SPATA13: variants seen among roughly 807,000 people sequenced by gnomAD.
SPATA13 encodes the protein spermatogenesis associated 13.
In SPATA13, 50 loss-of-function variants were observed where a neutral mutation model predicts 104.0. That is an observed-to-expected ratio of 0.48 (90% confidence interval 0.38 to 0.61). The LOEUF (loss-of-function observed/expected upper bound fraction) is 0.61. Among genes scored for constraint, SPATA13 ranks in the 20% least tolerant of loss-of-function variants. The pLI is 0.00. For synonymous variants in SPATA13, 606 were observed against 667.5 expected, an observed-to-expected ratio of 0.91 and a Z score of 1.42; for missense variants, 1,524 against 1,690.6, an observed-to-expected ratio of 0.90 and a Z score of 1.73.
At position 24,193,090 on chromosome 13, in the gene SPATA13, A is replaced by G. The variant is rs527676122; in HGVS notation, c.-111-29729A>G. On this transcript the variant is annotated intron_variant, in intron 1 of 12. Transcript: ENST00000382108. ...CTTGACACATAATCCAGGAAGGGAC[A>G]GGAGCCACTGAGCATTGTTGAGGAG... is the stretch of plus-strand genomic sequence containing the variant. Among the ~76,000 whole-genome samples the G allele has an allele frequency of 1.3e-3, 193 of 152,352 alleles. 2 individuals carry two copies. Among genetic ancestry groups the G allele is most frequent in the African/African-American group, 4.4e-3 (183 of 41,586 alleles).
intron 2 of SPATA13, among the ~76,000 whole-genome samples, chr13:23,999,436 T>TG (rs1875852071): frequency 2.0e-5 from 3 of 150,144 alleles, no homozygotes; most frequent in African/African-American, 4.9e-5. Context: ...TTAGACCAAT[T>TG]TGAGAAGATT....
At chr13:24,177,024 C>A (rs1175868607) in intron 1 of SPATA13, among the ~76,000 whole-genome samples, 1 of 152,170 alleles carries the variant, frequency 6.6e-6, no homozygotes, top group Non-Finnish European at 1.5e-5. Flanking sequence ...CTTGGCCTCC[C>A]AAAGTGCTGG....
intron 4 of SPATA13, chr13:24,270,626 TC>T: frequency 2.3e-6 from 2 of 855,954 alleles, no homozygotes; most frequent in South Asian, 1.9e-5. Flanking sequence ...TCTCCTGAAG[TC>T]CCCCGCAATG....
chr13:24,065,154 T>C (rs7316990), intron 3 of SPATA13, among the ~76,000 whole-genome samples: 136,401 of 152,126 alleles, frequency 0.9, 61,758 homozygotes, highest in South Asian at 0.98. Context: ...CAGGGGGATG[T>C]CTAATAATGC....
At position 24,304,286 on chromosome 13, in the gene SPATA13, T is replaced by C. The variant is rs1877424513; in HGVS notation, c.*1513T>C. ...ACACCTGCAGATAATCATCTCCTTTTCTTTGTCTATGTTGTACATTTTCAT... is the reference window on the plus strand; with the variant it reads ...ACACCTGCAGATAATCATCTCCTTTCCTTTGTCTATGTTGTACATTTTCAT... On this transcript the variant is annotated 3_prime_UTR_variant, in exon 13 of 13. Coordinates refer to ENST00000382108, the MANE Select transcript of SPATA13 (RefSeq NM_001166271.3). 1 of 152,242 alleles carries C rather than the reference T, an allele frequency of 6.6e-6. No individual in the cohort carries two copies. Among genetic ancestry groups the C allele is most frequent in the African/African-American group, 2.4e-5 (1 of 41,466 alleles). 9.4% of individuals were successfully genotyped at this position (152,242 alleles called of 1,614,324 possible). A position where few individuals can be genotyped will look rare whatever the true frequency, so the allele number is the denominator to read the frequency against.
rs1211928066 is a variant in SPATA13, at chr13:24,011,191, C to T, written c.-146-6476C>T. Among the ~76,000 whole-genome samples the T allele has an allele frequency of 6.6e-6, 1 of 151,964 alleles. No individual in the cohort carries two copies. Among genetic ancestry groups the T allele is most frequent in the Non-Finnish European group, 1.5e-5 (1 of 67,980 alleles). On this transcript the variant is annotated intron_variant, in intron 2 of 14. Transcript: ENST00000424834. This position sits in a 1 kb window ranked among gnomAD's most constrained non-coding sequence, Gnocchi z 4.3. ...CTTCAGCCCAGCGAGACCCATCTTGCCTGGGTGCCACCTCCCAGCCTGGAT... is the reference window on the plus strand; with the variant it reads ...CTTCAGCCCAGCGAGACCCATCTTGTCTGGGTGCCACCTCCCAGCCTGGAT...
At chr13:24,107,824 C>T (rs1425086172) in intron 3 of SPATA13, among the ~76,000 whole-genome samples, 1 of 152,136 alleles carries the variant, frequency 6.6e-6, no homozygotes, top group East Asian at 1.9e-4. Flanking sequence ...ACTGCTCTAT[C>T]GGCACGTTAA....
chr13:24,232,611 A>G (rs939383790), intron 2 of SPATA13, among the ~76,000 whole-genome samples: 1 of 152,186 alleles, frequency 6.6e-6, no homozygotes, highest in Non-Finnish European at 1.5e-5. Flanking sequence ...GTGCAATCAC[A>G]GCTTACTGCA....
chr13:24,295,569 G>T (rs1193011121), intron 10 of SPATA13, among the ~76,000 whole-genome samples: 1 of 151,920 alleles, frequency 6.6e-6, no homozygotes, highest in Admixed American at 6.6e-5. Flanking sequence ...CCGTGATCGT[G>T]CCCCTGCACT....
At chr13:24,041,539 G>T (rs1877929195) in intron 3 of SPATA13, among the ~76,000 whole-genome samples, 1 of 152,228 alleles carries the variant, frequency 6.6e-6, no homozygotes, top group South Asian at 2.1e-4. Flanking sequence ...TACCTTGTAG[G>T]TCAAAGGTTA....
intron 1 of SPATA13, among the ~76,000 whole-genome samples, chr13:24,171,673 GCTATTCAAGAAAAAGC>G (rs1253601400): frequency 2.0e-5 from 3 of 152,196 alleles, no homozygotes; most frequent in African/African-American, 7.2e-5. Context: ...GTGAGGTTTG[GCTATTCAAGAAAAAGC>G]CTGTAAGATA....
intron 1 of SPATA13, among the ~76,000 whole-genome samples, chr13:23,980,829 T>C (rs1421458926): frequency 6.6e-6 from 1 of 152,144 alleles, no homozygotes; most frequent in African/African-American, 2.4e-5. Flanking sequence ...TGACCTCAGG[T>C]GATCCGCCCG....
intron 3 of SPATA13, among the ~76,000 whole-genome samples, chr13:24,019,542 A>G (rs987914143): frequency 2.6e-5 from 4 of 152,260 alleles, no homozygotes; most frequent in Non-Finnish European, 4.4e-5. Context: ...TGTGTATTTT[A>G]AAGCATTTTT....
chr13:24,083,905 C>T (rs1030705799), intron 3 of SPATA13, among the ~76,000 whole-genome samples: 4 of 152,190 alleles, frequency 2.6e-5, no homozygotes, highest in Non-Finnish European at 5.9e-5. Context: ...TGACATTTTC[C>T]TTACAGCAGG....
At chr13:24,034,258 T>C (rs1488821230) in intron 3 of SPATA13, 1 of 152,210 alleles carries the variant, frequency 6.6e-6, no homozygotes, top group Non-Finnish European at 1.5e-5. Context: ...GAACCTTCTT[T>C]GTATAACCTG....
At chr13:24,294,703 A>C (rs745991887) in intron 9 of SPATA13, 36 bp from the exon 10 acceptor site, 2 of 1,564,704 alleles carry the variant, frequency 1.3e-6, no homozygotes, top group East Asian at 4.6e-5. Context: ...TGTAAGGTGC[A>C]TGTTATGTGA....
chr13:24,237,340 G>A (rs554405025), intron 2 of SPATA13, among the ~76,000 whole-genome samples: 1 of 152,214 alleles, frequency 6.6e-6, no homozygotes, highest in East Asian at 1.9e-4. Flanking sequence ...TCCAATGCTG[G>A]CGGCAGAGTC....
chr13:24,148,868 G>T (rs78339813), intron 3 of SPATA13, among the ~76,000 whole-genome samples: 3,265 of 152,270 alleles, frequency 0.021, 119 homozygotes, highest in African/African-American at 0.075. Context: ...AGGAGCTGCT[G>T]TTCATTCTGG....
intron 3 of SPATA13, among the ~76,000 whole-genome samples, chr13:24,027,373 T>C (rs1877274077): frequency 6.6e-6 from 1 of 151,706 alleles, no homozygotes; most frequent in African/African-American, 2.4e-5. Context: ...GACCTCATGA[T>C]CCACCCGCCT....
Sources: gnomAD v4.1 joint callset for allele counts (sites outside exome capture counted in the v4.1 genomes callset) on GRCh38, gnomAD v4.1.1 for gene constraint, Gnocchi (gnomAD v3.1) non-coding constraint, MANE v1.5 for transcripts, NCBI Gene and HGNC (gene_info 2026-07-23, HGNC 2026-07-21) for gene names.